Variants in TSHZ2 observed in about 807,000 individuals in gnomAD.
TSHZ2 encodes the protein teashirt zinc finger homeobox 2.
TSHZ2 carries 21 observed loss-of-function variants against 74.4 expected under a neutral mutation model. The ratio of observed to expected loss-of-function variants is 0.28; its 90% CI spans 0.20 to 0.41. TSHZ2 has a LOEUF of 0.41. TSHZ2 is among the 10% of genes least tolerant of loss of function. TSHZ2 has a pLI of 1.00. For synonymous variants in TSHZ2, 540 were observed against 515.3 expected (o/e 1.05, Z -0.65); for missense variants, 1,244 against 1,293.5 (o/e 0.96, Z 0.59).
intron 2 of TSHZ2, among the ~76,000 whole-genome samples, chr20:53,461,778 C>T (rs899648507): frequency 2.0e-5 from 3 of 152,206 alleles, no homozygotes; most frequent in Non-Finnish European, 4.4e-5. Flanking sequence ...TCTGAGATTG[C>T]TCTTCTTCAT....
chr20:53,368,459 A>T (rs1981353717), intron 2 of TSHZ2, among the ~76,000 whole-genome samples: 1 of 151,826 alleles, frequency 6.6e-6, no homozygotes, highest in Admixed American at 6.6e-5. Context: ...GCCTGCCACA[A>T]CCCCCAGCTA....
chr20:53,139,343 A>T (rs1165440957), intron 1 of TSHZ2, among the ~76,000 whole-genome samples: 2 of 152,238 alleles, frequency 1.3e-5, no homozygotes, highest in African/African-American at 4.8e-5. Flanking sequence ...TACATATTCC[A>T]TGAATTTATG....
chr20:53,382,291 C>G (rs1815658343), intron 2 of TSHZ2, among the ~76,000 whole-genome samples: 2 of 152,184 alleles, frequency 1.3e-5, no homozygotes, highest in African/African-American at 2.4e-5. Context: ...AGTAAGGTTA[C>G]AGGCTGGCTC....
At chr20:53,226,855 C>T (rs1989698102) in intron 1 of TSHZ2, among the ~76,000 whole-genome samples, 1 of 152,022 alleles carries the variant, frequency 6.6e-6, no homozygotes, top group Non-Finnish European at 1.5e-5. Flanking sequence ...GCAAAATCCC[C>T]CCGTTGAGAT....
chr20:53,388,360 G>A (rs558211364), intron 2 of TSHZ2, among the ~76,000 whole-genome samples: 22 of 152,272 alleles, frequency 1.4e-4, no homozygotes, highest in African/African-American at 5.3e-4. Context: ...GCTCTGTGGT[G>A]GGCTTTGGGG....
intron 1 of TSHZ2, among the ~76,000 whole-genome samples, chr20:53,104,230 G>T (rs750197272): frequency 2.4e-4 from 33 of 138,832 alleles, no homozygotes; most frequent in Non-Finnish European, 1.1e-4. Context: ...AACCTATCAA[G>T]AAAGCAGGCA....
At chr20:53,246,537 C>T (rs1292448641) in intron 1 of TSHZ2, among the ~76,000 whole-genome samples, 1 of 152,170 alleles carries the variant, frequency 6.6e-6, no homozygotes, top group African/African-American at 2.4e-5. Flanking sequence ...TTCATGACCT[C>T]TCTCTCCAAA....
chr20:53,348,157 A>G (rs1980509687), intron 2 of TSHZ2, among the ~76,000 whole-genome samples: 1 of 152,226 alleles, frequency 6.6e-6, no homozygotes, highest in African/African-American at 2.4e-5. Flanking sequence ...CATACATACA[A>G]AAAACATGGG....
At position 53,361,974 on chromosome 20, in the gene TSHZ2, C is replaced by T. The variant is rs756369208; in HGVS notation, c.*8+105403C>T. Among the ~76,000 whole-genome samples the T allele has an allele frequency of 3.3e-5, 5 of 151,492 alleles. 1 individual carries two copies. Among genetic ancestry groups the T allele is most frequent in the South Asian group, 4.2e-4 (2 of 4,768 alleles). ...TCACTCTGTCACCCAGGCTGTCGTG[C>T]GATGGCGCCATCTCGGCTCACTGCA... On this transcript the variant is annotated intron_variant, in intron 2 of 2. Transcript: ENST00000371497.
intron 1 of TSHZ2, among the ~76,000 whole-genome samples, chr20:53,183,111 G>C (rs147566039): frequency 1.3e-5 from 2 of 152,300 alleles, no homozygotes; most frequent in African/African-American, 4.8e-5. Flanking sequence ...TGGCAGCTGA[G>C]AAAGGACCCT....
chr20:53,036,087 C>T (rs545582778), intron 1 of TSHZ2, among the ~76,000 whole-genome samples: 1 of 152,250 alleles, frequency 6.6e-6, no homozygotes, highest in East Asian at 1.9e-4. Flanking sequence ...AATTCCGCTT[C>T]TCGACCACAG....
At chr20:53,370,935 C>A (rs1981445920) in intron 2 of TSHZ2, among the ~76,000 whole-genome samples, 2 of 152,144 alleles carry the variant, frequency 1.3e-5, no homozygotes, top group African/African-American at 4.8e-5. Context: ...GGTTGGAAAT[C>A]AAGGTGAAGG....
At position 53,440,893 on chromosome 20, in the gene TSHZ2, G is replaced by A. The variant is rs117361446; in HGVS notation, c.*9-46251G>A. ...AGCAAGTGCAAAGGCCCTGAGGCAGGTTTGGGCATCAGTATTTTTAGCAGC... is the reference window on the plus strand; with the variant it reads ...AGCAAGTGCAAAGGCCCTGAGGCAGATTTGGGCATCAGTATTTTTAGCAGC... On this transcript the variant is annotated intron_variant, in intron 2 of 2. Transcript: ENST00000371497. Among the ~76,000 whole-genome samples, 623 of 152,350 alleles carry A rather than the reference G, an allele frequency of 4.1e-3. 1 individual carries two copies. The highest frequency in any genetic ancestry group is 7.2e-3 in the Admixed American group (110 of 15,296).
intron 2 of TSHZ2, among the ~76,000 whole-genome samples, chr20:53,258,800 C>G (rs1990540779): frequency 6.6e-6 from 1 of 152,152 alleles, no homozygotes; most frequent in African/African-American, 2.4e-5. Context: ...TTTCATTATA[C>G]AAAACCAAAG....
intron 2 of TSHZ2, among the ~76,000 whole-genome samples, chr20:53,417,097 A>C (rs1238851852): frequency 1.3e-5 from 2 of 152,170 alleles, no homozygotes; most frequent in South Asian, 4.1e-4. Flanking sequence ...CCTCCCCTGC[A>C]TGACTCTCAA....
At chr20:53,306,611 A>C (rs1978556476) in intron 2 of TSHZ2, among the ~76,000 whole-genome samples, 1 of 152,228 alleles carries the variant, frequency 6.6e-6, no homozygotes, top group African/African-American at 2.4e-5. Flanking sequence ...TAAATATTTA[A>C]ATGATTTGCC....
chr20:53,005,577 T>G (rs1323885490), intron 1 of TSHZ2, among the ~76,000 whole-genome samples: 4 of 152,154 alleles, frequency 2.6e-5, no homozygotes, highest in African/African-American at 9.7e-5. Context: ...GCGTGTCCTG[T>G]GTCATGTGGT....
At chr20:53,057,841 T>C (rs945865816) in intron 1 of TSHZ2, among the ~76,000 whole-genome samples, 2 of 152,144 alleles carry the variant, frequency 1.3e-5, no homozygotes, top group Non-Finnish European at 2.9e-5. Flanking sequence ...TTGTGAAGGA[T>C]GGGCAGAAGC....
At chr20:53,341,116 G>A (rs1450948111) in intron 2 of TSHZ2, among the ~76,000 whole-genome samples, 1 of 152,168 alleles carries the variant, frequency 6.6e-6, no homozygotes, top group Non-Finnish European at 1.5e-5. Flanking sequence ...GACAGTCCCT[G>A]GCACATAGTA....
Sources: allele counts gnomAD v4.1 joint callset (sites outside exome capture counted in the v4.1 genomes callset), GRCh38; gene constraint gnomAD v4.1.1; transcripts MANE v1.5; gene names NCBI Gene and HGNC (gene_info 2026-07-23, HGNC 2026-07-21).